Variants in PLXNB3 observed in about 807,000 individuals in gnomAD.
PLXNB3 encodes the protein plexin B3.
A neutral mutation model predicts 125.7 loss-of-function variants in PLXNB3; 80 were observed. That is an observed-to-expected ratio of 0.64 (90% CI 0.53 to 0.77). The LOEUF is 0.77. PLXNB3 is among the 30% of genes least tolerant of loss of function. The pLI, the probability that PLXNB3 is intolerant of heterozygous loss-of-function variation, is 0.00. For missense variants in PLXNB3, 1,836 were observed against 1,729.3 expected (o/e 1.06, Z -1.09); for synonymous variants, 954 against 783.3 (o/e 1.22, Z -3.64).
rs1356728532 is a variant in PLXNB3, at chrX:153,774,192, G to A, written c.3526G>A (p.Gly1176Ser). ...PGHVLDVEGEGLNLGISKEEV... is the reference protein window; with the variant it reads ...PGHVLDVEGESLNLGISKEEV... ...GCTCCCATGTGTGTCCCAGGGCGAG[G>A]GCCTCAACCTGGGCATCAGCAAGGA... Residue 1176 changes from glycine to serine, a missense_variant, in exon 21 of 36, where the codon GGC becomes AGC. By Grantham distance (56) the Gly-to-Ser change is moderately conservative. Coordinates refer to ENST00000361971, the MANE Select transcript of PLXNB3 (RefSeq NM_005393.3). The A allele has an allele frequency of 8.3e-7, 1 of 1,204,254 alleles. No homozygotes were observed. The highest frequency in any genetic ancestry group is 1.1e-6 in the Non-Finnish European group (1 of 894,856).
Position 153,776,067 on chromosome X carries a change from G to T in PLXNB3, c.4582G>T (p.Gly1528Trp). 1 of 1,195,567 alleles carries T rather than the reference G, an allele frequency of 8.4e-7. No individual in the cohort carries two copies. ...LMVLVGPGAG[G>W]AAGSSEMQRV... is the part of the protein sequence containing the mutation. ...GGTGCTGGTGGGGCCCGGGGCTGGC[G>T]GGGCCGCAGGCAGCAGCGAGATGCA... The change falls in exon 27 of 36, where the codon GGG becomes TGG. Residue 1528 changes from glycine to tryptophan, a missense_variant. Physicochemically the swap from Gly to Trp is radical, Grantham distance 184. Coordinates refer to ENST00000361971, the MANE Select transcript of PLXNB3 (RefSeq NM_005393.3).
chrX:153,768,493 C>T (rs782583635), intron 4 of PLXNB3, 65 bp downstream of exon 4: 1 of 999,897 alleles, frequency 1.0e-6, no homozygotes, highest in East Asian at 3.3e-5. Context: ...GGAAAGCCCC[C>T]AGCAACTTCC....
At chrX:153,765,914 C>A in intron 2 of PLXNB3, 1 of 754,136 alleles carries the variant, frequency 1.3e-6, no homozygotes, top group Non-Finnish European at 1.6e-6. Flanking sequence ...CCCTCGGGGG[C>A]TCACCCCGGG....
Position 153,775,960 on chromosome X carries a change from C to T in PLXNB3, c.4475C>T (p.Ala1492Val). ...CAGGTGGACAAAGGCCCCGTGGACG[C>T]CGTGACAGGCAAGGCCAAACGGACC... Reference protein sequence around the residue: ...QYQVDKGPVDAVTGKAKRTLN... With the variant: ...QYQVDKGPVDVVTGKAKRTLN... The change falls in exon 27 of 36, where the codon GCC becomes GTC. Residue 1492 changes from alanine (A) to valine (V), a missense_variant. Transcript: ENST00000361971. 8.3e-7 allele frequency: 1 copy of T among 1,211,254 alleles called. No individual in the cohort carries two copies. The highest frequency in any genetic ancestry group is 1.1e-6 in the Non-Finnish European group (1 of 895,442).
At position 153,765,350 on chromosome X, in the gene PLXNB3, C is replaced by T. The variant is rs781923921; in HGVS notation, c.-65-121C>T. 140 of 513,910 alleles carry T rather than the reference C, an allele frequency of 2.7e-4. No homozygotes were observed. In the East Asian group the frequency reaches 5.0e-3, roughly 18 times the overall value. 42.4% of individuals were successfully genotyped at this position (513,910 alleles called of 1,213,427 possible). ...GCTGCCTTGGCCTGGCCACTATTGACAAAGCTGCCAGCTGTGAGGGAGCCC... is the reference window on the plus strand; with the variant it reads ...GCTGCCTTGGCCTGGCCACTATTGATAAAGCTGCCAGCTGTGAGGGAGCCC... On this transcript the variant is annotated intron_variant, in intron 1 of 35. Coordinates refer to ENST00000361971, the MANE Select transcript of PLXNB3 (RefSeq NM_005393.3).
chrX:153,766,923 G>A lies in PLXNB3; in HGVS notation c.96G>A (p.Leu32=). 8.3e-7 allele frequency: 1 copy of A among 1,208,966 alleles called. No individual in the cohort carries two copies. Among genetic ancestry groups the A allele is most frequent in the Non-Finnish European group, 1.1e-6 (1 of 895,029 alleles). ...WPPFGLCLLL[L]LLSPPPLPLT... Reference sequence around the variant, plus strand: ...CCTTCGGCCTCTGCCTCCTCCTGCTGCTGCTGTCCCCACCGCCACTGCCCT... The same window carrying A: ...CCTTCGGCCTCTGCCTCCTCCTGCTACTGCTGTCCCCACCGCCACTGCCCT... The change falls in exon 3 of 36, where the codon CTG becomes CTA. Residue 32 remains leucine (L), a synonymous_variant. Coordinates refer to ENST00000361971, the MANE Select transcript of PLXNB3 (RefSeq NM_005393.3).
At chrX:153,765,603 C>T in intron 2 of PLXNB3, 23 bp downstream of exon 2, 1 of 1,182,468 alleles carries the variant, frequency 8.5e-7, no homozygotes, top group South Asian at 1.9e-5. Flanking sequence ...GCCCGGTGTC[C>T]CCAGAAATGT....
In PLXNB3 at chrX:153,773,505, C is replaced by A; in HGVS notation, c.3084-13C>A. On this transcript the variant is annotated splice_polypyrimidine_tract_variant and intron_variant, in intron 18 of 35. Transcript: ENST00000361971. ...CCACCGCCCGCCCACACCCGACTGC[C>A]ATCCTGGTACAGGGGTGGGCGACTG... is the stretch of plus-strand genomic sequence containing the variant. 2.5e-6 allele frequency: 3 copies of A among 1,189,169 alleles called. No homozygotes were observed. The highest frequency in any genetic ancestry group is 3.4e-6 in the Non-Finnish European group (3 of 882,145).
chrX:153,774,413 C>T lies in PLXNB3; in HGVS notation c.3679-7C>T, dbSNP rs782467922. ...GCATGCACTCAGGAACCCTGCCCGC[C>T]CCCCAGGTGCAGATGGGCAATGTGC... is the stretch of plus-strand genomic sequence containing the variant. On this transcript the variant is annotated splice_polypyrimidine_tract_variant and splice_region_variant and intron_variant, in intron 21 of 35. Coordinates refer to ENST00000361971, the MANE Select transcript of PLXNB3 (RefSeq NM_005393.3). 8.5e-6 allele frequency: 10 copies of T among 1,179,194 alleles called. No individual in the cohort carries two copies. Among genetic ancestry groups the T allele is most frequent in the Non-Finnish European group, 1.1e-5 (10 of 877,476 alleles).
intron 7 of PLXNB3, 50 bp downstream of exon 7, chrX:153,769,989 G>A (rs1603244227): frequency 8.4e-7 from 1 of 1,190,936 alleles, no homozygotes; most frequent in Non-Finnish European, 1.1e-6. Context: ...ACCACTGCCT[G>A]GAGCATGAAC....
rs782503637 is a variant in PLXNB3 at position 153,767,714 on chromosome X, C to G, written c.887C>G (p.Pro296Arg). 6.8e-6 allele frequency: 8 copies of G among 1,178,513 alleles called. No individual in the cohort carries two copies. The East Asian group carries it at 2.5e-4, about 37-fold the overall frequency. The change falls in exon 3 of 36, where the codon CCG becomes CGG. Residue 296 changes from proline (P) to arginine (R), a missense_variant. Physicochemically the swap from Pro to Arg is moderately radical, Grantham distance 103 (BLOSUM62 -2). Transcript: ENST00000361971. ...QGLIQAAFLA[P>R]GTLLGVFAAG... Reference sequence around the variant, plus strand: ...CTCATCCAGGCCGCCTTCCTTGCCCCGGGCACCTTGCTAGGGGTGTTTGCC... The same window carrying G: ...CTCATCCAGGCCGCCTTCCTTGCCCGGGGCACCTTGCTAGGGGTGTTTGCC...
intron 16 of PLXNB3, chrX:153,772,646 G>C (rs2266884): frequency 0.17 from 166,410 of 955,431 alleles, 17,199 homozygotes; most frequent in East Asian, 0.61. Context: ...TCCCAAGGGG[G>C]ACAGAGTGGC....
rs782123710 is a variant in PLXNB3, at chrX:153,774,696, C to T, written c.3831-10C>T. 342 of 1,155,587 alleles carry T rather than the reference C, an allele frequency of 3.0e-4. 2 individuals carry two copies. In the South Asian group the frequency reaches 6.1e-3, roughly 21 times the overall value. ...CGGCCCTGGCTGATGAAGCTGGCCC[C>T]GGGCTGCAGGCACAAGAGCAAGCAG... On this transcript the variant is annotated splice_polypyrimidine_tract_variant and intron_variant, in intron 22 of 35. Transcript: ENST00000361971.
intron 6 of PLXNB3, among the ~76,000 whole-genome samples, chrX:153,769,541 G>A (rs782052069): frequency 4.4e-5 from 5 of 112,901 alleles, no homozygotes; most frequent in East Asian, 5.6e-4. Flanking sequence ...TGCTCCACAC[G>A]GCAGCCCCTG....
intron 14 of PLXNB3, 56 bp from the exon 15 acceptor site, chrX:153,771,808 T>G: frequency 8.5e-7 from 1 of 1,177,049 alleles, no homozygotes; most frequent in Non-Finnish European, 1.1e-6. Context: ...CACCCAGCAC[T>G]GCAGAGTGGA....
chrX:153,768,407 C>T lies in PLXNB3; in HGVS notation c.1245C>T (p.Asp415=), dbSNP rs1161749162. 4 of 1,203,976 alleles carry T rather than the reference C, an allele frequency of 3.3e-6. No homozygotes were observed. The highest frequency in any genetic ancestry group is 1.8e-5 in the South Asian group (1 of 56,582). ...GGCACATGATAGCCTTCCTGGGGGA[C>T]ACCCAGGGCCAGCTGTACAAGGTGA... ...ADGHMIAFLG[D]TQGQLYKVFL... Residue 415 remains aspartate (D), a synonymous_variant, in exon 4 of 36, where the codon GAC becomes GAT. Transcript: ENST00000361971.
At chrX:153,777,709 C>A in intron 31 of PLXNB3, 21 bp downstream of exon 31, 1 of 1,204,324 alleles carries the variant, frequency 8.3e-7, no homozygotes, top group Non-Finnish European at 1.1e-6. Flanking sequence ...TGCTGCCCCA[C>A]CCCTGCTGTG....
At position 153,774,360 on chromosome X, in the gene PLXNB3, G is replaced by C. The variant is rs1440123156; in HGVS notation, c.3678+16G>C. 3 of 1,156,222 alleles carry C rather than the reference G, an allele frequency of 2.6e-6. No homozygotes were observed. Among genetic ancestry groups the C allele is most frequent in the African/African-American group, 3.5e-5 (2 of 56,936 alleles). ...ACAGTTCGTGGTGAGTCCGTGCCCT[G>C]GGTGGGCAGGTGGACCGGGTGCCGC... is the stretch of plus-strand genomic sequence containing the variant. On this transcript the variant is annotated intron_variant, in intron 21 of 35. Coordinates refer to ENST00000361971, the MANE Select transcript of PLXNB3 (RefSeq NM_005393.3).
chrX:153,769,109 A>G (rs1557060561), intron 5 of PLXNB3, 33 bp downstream of exon 5: 1 of 1,202,636 alleles, frequency 8.3e-7, no homozygotes. Context: ...AGGGGCCAGC[A>G]CACGCGGCCC....
Sources: gnomAD v4.1 joint callset for allele counts (sites outside exome capture counted in the v4.1 genomes callset) on GRCh38, gnomAD v4.1.1 for gene constraint, MANE v1.5 for transcripts, NCBI Gene and HGNC (gene_info 2026-07-23, HGNC 2026-07-21) for gene names.